The following BARD1 variants were observed in gnomAD, a reference collection of about 807,000 sequenced individuals.
The protein encoded by BARD1 is BRCA1 associated RING domain 1.
In BARD1, 73 loss-of-function variants were observed where a neutral mutation model predicts 77.0. The ratio of observed to expected loss-of-function variants is 0.95; its 90% CI spans 0.79 to 1.15. The LOEUF is 1.15. Ranked by LOEUF, BARD1 falls within the 50% of genes most tolerant of loss-of-function variation. BARD1 has a pLI of 0.00. For missense variants in BARD1, 993 were observed against 938.8 expected, an observed-to-expected ratio of 1.06 and a Z score of -0.75; for synonymous variants, 384 against 338.0, an observed-to-expected ratio of 1.14 and a Z score of -1.49.
At chr2:214,764,087 T>G (rs1694086032) in intron 6 of BARD1, among the ~76,000 whole-genome samples, 2 of 152,188 alleles carry the variant, frequency 1.3e-5, no homozygotes, top group Non-Finnish European at 2.9e-5. Context: ...AAGGCACAGA[T>G]ATGGGAAACT....
Position 214,780,868 on chromosome 2 carries a change from A to C in BARD1, c.1006T>G (p.Cys336Gly), listed in dbSNP as rs752869298. 6.2e-7 allele frequency: 1 copy of C among 1,614,136 alleles called. No individual in the cohort carries two copies. The highest frequency in any genetic ancestry group is 2.2e-5 in the East Asian group (1 of 44,868). ...NRLSSPISKR[C>G]RTSILSTSGD... ...CTGGTGCTCAGAATGCTGGTTCTAC[A>C]TCTCTTAGAAATGGGACTGGAAAGT... The change falls in exon 4 of 11, where the codon TGT becomes GGT. Residue 336 changes from cysteine to glycine, a missense_variant. By Grantham distance (159) the Cys-to-Gly change is radical. Coordinates refer to ENST00000260947, the MANE Select transcript of BARD1 (RefSeq NM_000465.4).
chr2:214,772,304 A>T (rs546464085), intron 4 of BARD1, among the ~76,000 whole-genome samples: 1 of 152,314 alleles, frequency 6.6e-6, no homozygotes, highest in Admixed American at 6.5e-5. Context: ...ATCTGCCAAG[A>T]TACAAATTTT....
At chr2:214,733,503 A>G (rs1363683588) in intron 9 of BARD1, among the ~76,000 whole-genome samples, 1 of 152,196 alleles carries the variant, frequency 6.6e-6, no homozygotes, top group Admixed American at 6.5e-5. Context: ...TTAGTATTTT[A>G]CAGCATTTTG....
intron 1 of BARD1, among the ~76,000 whole-genome samples, chr2:214,809,117 G>A (rs568339454): frequency 1.3e-5 from 2 of 152,302 alleles, no homozygotes; most frequent in South Asian, 2.1e-4. Flanking sequence ...AGGCGCGACC[G>A]GGATGAACAT....
At chr2:214,748,576 G>T (rs772558126) in intron 7 of BARD1, among the ~76,000 whole-genome samples, 78 of 152,110 alleles carry the variant, frequency 5.1e-4, no homozygotes, top group Non-Finnish European at 3.7e-4. Context: ...CACAAACAGA[G>T]AAGTCTCAAA....
rs1692070015 is a variant in BARD1, at chr2:214,726,012, AACT to A, written c.*2661_*2663del. 4.5e-6 allele frequency: 1 copy of A among 223,350 alleles called. No homozygotes were observed. Among genetic ancestry groups the A allele is most frequent in the African/African-American group, 2.3e-5 (1 of 44,364 alleles). The allele number at this position is 223,350 out of a possible 1,614,324, so 13.8% of individuals were successfully genotyped here. A position where few individuals can be genotyped will look rare whatever the true frequency, so the allele number is the denominator to read the frequency against. On this transcript the variant is annotated 3_prime_UTR_variant, in exon 11 of 11. Coordinates refer to ENST00000260947, the MANE Select transcript of BARD1 (RefSeq NM_000465.4). Reference sequence around the variant, plus strand: ...ATCATCCTCTAGGCAGAGGTCACTTAACTATTAAATTTACAAGGCAGGTGCAAA... The same window carrying A: ...ATCATCCTCTAGGCAGAGGTCACTTAATTAAATTTACAAGGCAGGTGCAAA...
At chr2:214,790,737 A>C (rs1174581824) in intron 3 of BARD1, among the ~76,000 whole-genome samples, 1 of 152,184 alleles carries the variant, frequency 6.6e-6, no homozygotes, top group East Asian at 1.9e-4. Flanking sequence ...ATTTCAGTGC[A>C]AAGCCAATAA....
chr2:214,745,767 C>A lies in BARD1; in HGVS notation c.1765G>T (p.Ala589Ser), dbSNP rs547417612. The A allele has an allele frequency of 1.2e-6, 2 of 1,614,040 alleles. No homozygotes were observed. The highest frequency in any genetic ancestry group is 1.7e-5 in the Admixed American group (1 of 60,018). Residue 589 changes from alanine (A) to serine (S), a missense_variant, in exon 8 of 11, where the codon GCA becomes TCA. Physicochemically the swap from Ala to Ser is moderately conservative, Grantham distance 99 (BLOSUM62 1). Coordinates refer to ENST00000260947, the MANE Select transcript of BARD1 (RefSeq NM_000465.4). ...TATTTTTTAGCCTTAAGAATTACTG[C>A]AAGCTCACTGAGCATTTTCTGTTGT... ...SEQQKMLSEL[A>S]VILKAKKYTE...
intron 2 of BARD1, among the ~76,000 whole-genome samples, chr2:214,796,128 T>C (rs1211595399): frequency 6.6e-6 from 1 of 152,210 alleles, no homozygotes; most frequent in Non-Finnish European, 1.5e-5. Flanking sequence ...AAGGAGACTA[T>C]ATTTTCCCTG....
intron 3 of BARD1, among the ~76,000 whole-genome samples, chr2:214,782,919 T>TA (rs1457560178): frequency 6.6e-6 from 1 of 152,192 alleles, no homozygotes; most frequent in Non-Finnish European, 1.5e-5. Context: ...TGACAAGTGT[T>TA]ACAGTAATAG....
At chr2:214,752,937 T>G (rs1045316810) in intron 6 of BARD1, among the ~76,000 whole-genome samples, 2 of 152,126 alleles carry the variant, frequency 1.3e-5, no homozygotes, top group South Asian at 2.1e-4. Context: ...AAAAATTAGA[T>G]AAATTCACAG....
intron 6 of BARD1, among the ~76,000 whole-genome samples, chr2:214,766,173 T>C (rs1694185920): frequency 6.6e-6 from 1 of 152,182 alleles, no homozygotes; most frequent in Admixed American, 6.5e-5. Context: ...AGCATTTGCT[T>C]GTGACACTCT....
At position 214,728,603 on chromosome 2, in the gene BARD1, T is replaced by G; in HGVS notation, c.*73A>C. 1 of 1,431,846 alleles carries G rather than the reference T, an allele frequency of 7.0e-7. No homozygotes were observed. Among genetic ancestry groups the G allele is most frequent in the Non-Finnish European group, 9.7e-7 (1 of 1,032,226 alleles). 88.7% of individuals were successfully genotyped at this position (1,431,846 alleles called of 1,614,324 possible). On this transcript the variant is annotated 3_prime_UTR_variant, in exon 11 of 11. Transcript: ENST00000260947. ...CTACCTATTTGTAAAAATGTGAACA[T>G]TAAAAACAGTACAATGACTGGGCTC...
chr2:214,742,082 C>G (rs1692861281), intron 9 of BARD1, among the ~76,000 whole-genome samples: 1 of 152,158 alleles, frequency 6.6e-6, no homozygotes, highest in Non-Finnish European at 1.5e-5. Flanking sequence ...GAAGTTTTGT[C>G]TACCAGCAAG....
intron 5 of BARD1, 61 bp downstream of exon 5, chr2:214,769,171 A>C: frequency 4.3e-6 from 6 of 1,409,748 alleles, no homozygotes; most frequent in Non-Finnish European, 5.0e-6. Context: ...ACAACTACAT[A>C]ACTATAAACT....
chr2:214,797,697 A>G (rs889941118), intron 1 of BARD1, among the ~76,000 whole-genome samples: 1 of 152,226 alleles, frequency 6.6e-6, no homozygotes, highest in Non-Finnish European at 1.5e-5. Flanking sequence ...TGTGTTTCTT[A>G]CTACTGTAAA....
chr2:214,748,467 T>TC, intron 7 of BARD1, among the ~76,000 whole-genome samples: 1 of 152,254 alleles, frequency 6.6e-6, no homozygotes, highest in South Asian at 2.1e-4. Flanking sequence ...GGGTACTTTT[T>TC]CTTAGATAAA....
At position 214,781,375 on chromosome 2, in the gene BARD1, G is replaced by A. The variant is rs767584985; in HGVS notation, c.499C>T (p.Pro167Ser). The A allele has an allele frequency of 9.9e-6, 16 of 1,613,556 alleles. No individual in the cohort carries two copies. The Admixed American group carries it at 2.7e-4, about 27-fold the overall frequency. The change falls in exon 4 of 11, where the codon CCT becomes TCT. Residue 167 changes from proline to serine, a missense_variant. Physicochemically the swap from Pro to Ser is moderately conservative, Grantham distance 74. Transcript: ENST00000260947. ...VVSKASVQTQPAIKKDASAQQ... is the reference protein window; with the variant it reads ...VVSKASVQTQSAIKKDASAQQ... The stretch of plus-strand genomic sequence containing the variant: ...GCACTTGCATCTTTTTTTATTGCAG[G>A]CTGGGTTTGCACTGAAGCTTTACTC...
At chr2:214,729,215 C>A (rs1325351423) in intron 10 of BARD1, among the ~76,000 whole-genome samples, 1 of 152,182 alleles carries the variant, frequency 6.6e-6, no homozygotes, top group South Asian at 2.1e-4. Context: ...CAAGCCTAAA[C>A]ACAAAATTCG....
Sources: gnomAD v4.1 joint callset for allele counts (sites outside exome capture counted in the v4.1 genomes callset) on GRCh38, gnomAD v4.1.1 for gene constraint, MANE v1.5 for transcripts, NCBI Gene and HGNC (gene_info 2026-07-23, HGNC 2026-07-21) for gene names.